Variants in DST observed in about 807,000 individuals in gnomAD.
The protein encoded by DST is bullous pemphigoid antigen.
DST carries 253 observed loss-of-function variants against 875.2 expected under a neutral mutation model. The observed-to-expected ratio is 0.29, with a 90% CI of 0.26 to 0.32. DST has a LOEUF of 0.32. DST is among the 10% of genes least tolerant of loss of function. The pLI, the probability that DST is intolerant of heterozygous loss-of-function variation, is 1.00. For synonymous variants in DST, 3,124 were observed against 3,197.1 expected, an observed-to-expected ratio of 0.98 and a Z score of 0.77; for missense variants, 8,287 against 9,111.6, an observed-to-expected ratio of 0.91 and a Z score of 3.68.
Position 56,569,897 on chromosome 6 carries a change from A to G in DST, c.13837T>C (p.Phe4613Leu). ...GATTTTCCTAAATCCTCTGCACCAA[A>G]AGAAGGCTGTACAATGGGAACTTTT... The part of the protein sequence containing the change: ...TKKVPIVQPS[F>L]GAEDLGKSLE... The change falls in exon 54 of 104, where the codon TTT becomes CTT. Residue 4613 changes from phenylalanine (F) to leucine (L), a missense_variant. Coordinates refer to ENST00000680361, the MANE Select transcript of DST (RefSeq NM_001374736.1). 1 of 1,612,608 alleles carries G rather than the reference A, an allele frequency of 6.2e-7. No individual in the cohort carries two copies. The highest frequency in any genetic ancestry group is 1.3e-5 in the African/African-American group (1 of 74,998).
intron 9 of DST, chr6:56,692,833 C>T (rs1320794058): frequency 7.8e-7 from 1 of 1,289,858 alleles, no homozygotes; most frequent in Admixed American, 2.3e-5. Flanking sequence ...CTGTTTAACG[C>T]TGTCAGCTAC....
At chr6:56,762,441 C>G (rs1378225173) in intron 4 of DST, among the ~76,000 whole-genome samples, 1 of 152,218 alleles carries the variant, frequency 6.6e-6, no homozygotes, top group Admixed American at 6.5e-5. Context: ...AAAAGCAGCT[C>G]CTCCAGAGTC....
In DST at chr6:56,785,245, C is replaced by T. The variant is rs200965500; in HGVS notation, c.626-49956G>A. Among the ~76,000 whole-genome samples the T allele has an allele frequency of 3.2e-4, 49 of 152,366 alleles. No individual in the cohort carries two copies. In the East Asian group the frequency reaches 9.3e-3, roughly 29 times the overall value. The stretch of plus-strand genomic sequence containing the variant: ...GGGAGAACCACTGCTCTCCTCAAAG[C>T]TGTCAGACAGGGACATTTAAGTCTG... On this transcript the variant is annotated intron_variant, in intron 4 of 103. Coordinates refer to ENST00000680361, the MANE Select transcript of DST (RefSeq NM_001374736.1).
rs1417030633 is a variant in DST, at chr6:56,526,445, C to T, written c.18045G>A (p.Glu6015=). 2 of 1,613,738 alleles carry T rather than the reference C, an allele frequency of 1.2e-6. No individual in the cohort carries two copies. The highest frequency in any genetic ancestry group is 2.7e-5 in the African/African-American group (2 of 74,904). ...TCACTAATCGGTAGCGCTCATTGTC[C>T]TCAGCTACCATTTTCTCAAGTCCTT... ...AREGLEKMVA[E]DNERYRLVSD... The change falls in exon 69 of 104, where the codon GAG becomes GAA. Residue 6015 remains glutamate, a synonymous_variant. Coordinates refer to ENST00000680361, the MANE Select transcript of DST (RefSeq NM_001374736.1).
intron 4 of DST, among the ~76,000 whole-genome samples, chr6:56,784,075 A>G: frequency 6.6e-6 from 1 of 152,088 alleles, no homozygotes; most frequent in African/African-American, 2.4e-5. Flanking sequence ...TGGCTTGTAG[A>G]GTTTCTGCCG....
Position 56,881,096 on chromosome 6 carries a change from G to A in DST, c.417+19325C>T, listed in dbSNP as rs187921812. 3.2e-4 allele frequency among the ~76,000 whole-genome samples: 49 copies of A among 151,894 alleles called. 1 individual carries two copies. In the East Asian group the frequency reaches 8.6e-3, roughly 27 times the overall value. The stretch of plus-strand genomic sequence containing the variant: ...GATCTCCTGACCTCATGATCCACCC[G>A]CCTCGGTCTCCCGAAGTGCTGGGAT... On this transcript the variant is annotated intron_variant, in intron 3 of 103. Coordinates refer to ENST00000680361, the MANE Select transcript of DST (RefSeq NM_001374736.1).
intron 2 of DST, among the ~76,000 whole-genome samples, chr6:56,938,082 T>TAC (rs1813981358): frequency 7.6e-6 from 1 of 131,688 alleles, no homozygotes. Context: ...CTCTCTCTCT[T>TAC]TCTCTCTCTC....
At chr6:56,542,638 C>G (rs2097149913) in intron 61 of DST, 2 of 152,322 alleles carry the variant, frequency 1.3e-5, no homozygotes, top group Admixed American at 6.5e-5. Context: ...CGCGGTATGG[C>G]CTTCATTTCA....
At chr6:56,816,758 T>C (rs1171038065) in intron 4 of DST, among the ~76,000 whole-genome samples, 1 of 152,172 alleles carries the variant, frequency 6.6e-6, no homozygotes, top group Non-Finnish European at 1.5e-5. Flanking sequence ...TAATTTCAAA[T>C]TTCCTATGTT....
At chr6:56,887,270 A>G (rs1274321003) in intron 3 of DST, among the ~76,000 whole-genome samples, 4 of 152,182 alleles carry the variant, frequency 2.6e-5, no homozygotes, top group Non-Finnish European at 4.4e-5. Context: ...TGAGAGTGAC[A>G]CGGTAGCAGG....
chr6:56,530,246 A>G (rs1227352854), intron 64 of DST, 113 bp from the exon 65 acceptor site: 1 of 764,816 alleles, frequency 1.3e-6, no homozygotes, highest in Non-Finnish European at 1.9e-6. Flanking sequence ...GAAACTATCT[A>G]AGGTTACAAT....
intron 4 of DST, among the ~76,000 whole-genome samples, chr6:56,742,611 T>G (rs569232004): frequency 1.3e-5 from 2 of 152,344 alleles, no homozygotes; most frequent in East Asian, 3.9e-4. Flanking sequence ...AAGAAGTCCT[T>G]TAAAAAAAGT....
At chr6:56,592,993 C>T (rs1054011146) in intron 48 of DST, among the ~76,000 whole-genome samples, 1 of 151,764 alleles carries the variant, frequency 6.6e-6, no homozygotes, top group Non-Finnish European at 1.5e-5. Flanking sequence ...AAGACAAACA[C>T]CTGCAGTGTT....
rs1311220904 is a variant in DST, at chr6:56,509,626, A to G, written c.19012+16T>C. 4.4e-6 allele frequency: 7 copies of G among 1,591,940 alleles called. No homozygotes were observed. The East Asian group carries it at 1.3e-4, about 31-fold the overall frequency. On this transcript the variant is annotated intron_variant, in intron 74 of 103. Transcript: ENST00000680361. ...AGAATGCTTTAAAATTTGTTTCCCTATTCCAAAAGTATTACCTTTGGCAGA... is the reference window on the plus strand; with the variant it reads ...AGAATGCTTTAAAATTTGTTTCCCTGTTCCAAAAGTATTACCTTTGGCAGA...
intron 53 of DST, among the ~76,000 whole-genome samples, chr6:56,570,608 C>G (rs900499107): frequency 6.6e-6 from 1 of 152,116 alleles, no homozygotes; most frequent in Non-Finnish European, 1.5e-5. Context: ...TTGCTGCCAC[C>G]ACTCACCTCC....
intron 9 of DST, among the ~76,000 whole-genome samples, chr6:56,691,364 G>C (rs562675039): frequency 2.0e-5 from 3 of 152,004 alleles, no homozygotes; most frequent in Non-Finnish European, 4.4e-5. Flanking sequence ...AAGGTGTAGC[G>C]GTGTATATAA....
At chr6:56,917,566 T>C (rs1346702139) in intron 2 of DST, among the ~76,000 whole-genome samples, 3 of 152,228 alleles carry the variant, frequency 2.0e-5, no homozygotes, top group Non-Finnish European at 4.4e-5. Flanking sequence ...CTAAAAGCTT[T>C]GAAGAGATTT....
intron 77 of DST, among the ~76,000 whole-genome samples, chr6:56,505,611 A>T (rs1249868424): frequency 6.6e-6 from 1 of 152,168 alleles, no homozygotes; most frequent in Non-Finnish European, 1.5e-5. Flanking sequence ...TATTTTTACA[A>T]ATATAGAAAT....
intron 49 of DST, among the ~76,000 whole-genome samples, chr6:56,584,215 T>C (rs9349833): frequency 0.43 from 64,941 of 150,768 alleles, 14,683 homozygotes; most frequent in African/African-American, 0.55. Flanking sequence ...TTGATTCTTC[T>C]TACCCATGAG....
Sources: allele counts gnomAD v4.1 joint callset (sites outside exome capture counted in the v4.1 genomes callset), GRCh38; gene constraint gnomAD v4.1.1; transcripts MANE v1.5; gene names NCBI Gene and HGNC (gene_info 2026-07-23, HGNC 2026-07-21).